The following TRRAP variants were observed in gnomAD, a reference collection of about 807,000 sequenced individuals.
TRRAP encodes the protein transformation/transcription domain-associated protein.
In TRRAP, 41 loss-of-function variants were observed where a neutral mutation model predicts 438.8. The ratio of observed to expected loss-of-function variants is 0.09; its 90% CI spans 0.07 to 0.12. The LOEUF is 0.12. Ranked by LOEUF, TRRAP falls within the 10% of genes least tolerant of loss-of-function variation. The probability of loss-of-function intolerance (pLI) is 1.00; values close to 1 mark genes in which losing one functional copy is unlikely to be tolerated. For synonymous variants in TRRAP, 1,994 were observed against 1,962.9 expected, an observed-to-expected ratio of 1.02 and a Z score of -0.42; for missense variants, 3,122 against 5,055.1, an observed-to-expected ratio of 0.62 and a Z score of 11.60.
At chr7:98,897,670 T>G (rs1796276747) in intron 7 of TRRAP, 71 bp from the exon 8 acceptor site, 3 of 1,454,026 alleles carry the variant, frequency 2.1e-6, no homozygotes, top group African/African-American at 3.0e-5. Flanking sequence ...TGTTTTGTTT[T>G]GTTTTGTTTT....
chr7:98,951,918 C>G (rs1459681518), intron 39 of TRRAP, among the ~76,000 whole-genome samples: 3 of 152,060 alleles, frequency 2.0e-5, no homozygotes, highest in Admixed American at 6.5e-5. Context: ...TTGTTACCTT[C>G]TCCAGGCTGT....
rs904505773 is a variant in TRRAP at position 98,957,880 on chromosome 7, C to T, written c.6232-101C>T. The T allele has an allele frequency of 2.7e-5, 26 of 976,846 alleles. No homozygotes were observed. The African/African-American group carries it at 4.2e-4, about 16-fold the overall frequency. 60.5% of individuals were successfully genotyped at this position (976,846 alleles called of 1,614,324 possible). ...CCAGCGCCCAGAGCTGCCTCTGTCC[C>T]CGGGAGGTACCGCATACCCATTAGC... On this transcript the variant is annotated intron_variant, in intron 43 of 72. Transcript: ENST00000456197.
rs1202244223 is a variant in TRRAP at position 98,976,979 on chromosome 7, A to G, written c.8288A>G (p.Gln2763Arg). Residue 2763 changes from glutamine to arginine, a missense_variant, in exon 56 of 73, where the codon CAA becomes CGA. Gln to Arg is a conservative substitution (Grantham distance 43). This residue lies in a region of TRRAP where 992 missense variants were observed against 1,281.2 expected (regional missense o/e 0.77). Coordinates refer to ENST00000456197, the MANE Select transcript of TRRAP (RefSeq NM_001375524.1). This position sits in a 1 kb window ranked among gnomAD's most constrained non-coding sequence, Gnocchi z 4.6. ...DSLAELYSLLQEEDMWAGLWQ... is the reference protein window; with the variant it reads ...DSLAELYSLLREEDMWAGLWQ... ...CTTGCGGAGCTTTACTCCCTGTTAC[A>G]AGAGGAAGATATGTGGGCTGGTCTG... 1.2e-6 allele frequency: 2 copies of G among 1,614,070 alleles called. No individual in the cohort carries two copies. Among genetic ancestry groups the G allele is most frequent in the Non-Finnish European group, 1.7e-6 (2 of 1,180,044 alleles).
At chr7:98,897,625 AC>A in intron 7 of TRRAP, 115 bp from the exon 8 acceptor site, 1 of 1,327,542 alleles carries the variant, frequency 7.5e-7, no homozygotes, top group Non-Finnish European at 1.0e-6. Context: ...TGTAGAACAT[AC>A]TGTTTTTTTC....
chr7:98,981,990 G>A (rs1165542104), intron 59 of TRRAP, 30 bp downstream of exon 59: 3 of 1,502,800 alleles, frequency 2.0e-6, no homozygotes, highest in Non-Finnish European at 2.7e-6. Flanking sequence ...GCGAGCACAG[G>A]CCTGTGGCCT....
intron 65 of TRRAP, 102 bp from the exon 66 acceptor site, chr7:98,993,436 G>A (rs1240271381): frequency 7.0e-5 from 90 of 1,279,680 alleles, no homozygotes; most frequent in Middle Eastern, 2.4e-4. Flanking sequence ...TTCACACGCC[G>A]GCAGGAACCA....
chr7:98,926,630 A>G (rs1324510843), intron 22 of TRRAP, among the ~76,000 whole-genome samples: 2 of 152,204 alleles, frequency 1.3e-5, no homozygotes, highest in African/African-American at 4.8e-5. Flanking sequence ...CCTCCATGGA[A>G]GATTGAGGAT....
At chr7:98,983,942 G>T in intron 60 of TRRAP, 151 bp from the exon 61 acceptor site, 2 of 1,017,314 alleles carry the variant, frequency 2.0e-6, no homozygotes, top group Non-Finnish European at 2.7e-6. Context: ...GTTGCTTATG[G>T]CATAAAATAC....
At chr7:98,987,612 A>T (rs1793208010) in intron 62 of TRRAP, among the ~76,000 whole-genome samples, 2 of 152,218 alleles carry the variant, frequency 1.3e-5, no homozygotes, top group African/African-American at 4.8e-5. Context: ...TGTGTATAAG[A>T]TCGTGTCAAC....
intron 27 of TRRAP, 69 bp from the exon 28 acceptor site, chr7:98,935,510 T>A: frequency 7.2e-7 from 1 of 1,384,502 alleles, no homozygotes; most frequent in Non-Finnish European, 1.0e-6. Flanking sequence ...TGCTGTGTTC[T>A]GTTATTTGCA....
chr7:98,928,223 C>T (rs1433036179), intron 23 of TRRAP, among the ~76,000 whole-genome samples: 4 of 151,740 alleles, frequency 2.6e-5, no homozygotes, highest in South Asian at 2.1e-4. Context: ...GCAACAAGAG[C>T]GAAACTCCGT....
chr7:98,910,579 A>C lies in TRRAP; in HGVS notation c.1784A>C (p.Tyr595Ser). The C allele has an allele frequency of 6.2e-7, 1 of 1,613,822 alleles. No individual in the cohort carries two copies. The highest frequency in any genetic ancestry group is 8.5e-7 in the Non-Finnish European group (1 of 1,179,924). Residue 595 changes from tyrosine to serine, a missense_variant, in exon 16 of 73, where the codon TAT becomes TCT. Physicochemically the swap from Tyr to Ser is moderately radical, Grantham distance 144 (BLOSUM62 -2). Transcript: ENST00000456197. ...ETQIYIKLVKYAMQALDIYQV... is the reference protein window; with the variant it reads ...ETQIYIKLVKSAMQALDIYQV... ...CAGATTTACATCAAACTTGTGAAAT[A>C]TGCAATGCAAGCTTTAGATATTTAT...
At chr7:98,892,307 G>T (rs919458583) in intron 4 of TRRAP, 117 bp from the exon 5 acceptor site, 24 of 817,130 alleles carry the variant, frequency 2.9e-5, no homozygotes, top group Non-Finnish European at 4.5e-5. Context: ...GTAGGATGGT[G>T]GTTCATTCCT....
rs782099502 is a variant in TRRAP at position 98,925,231 on chromosome 7, G to A, written c.2943G>A (p.Lys981=). ...CCATGATGAGCCTGGAGGACAACAA[G>A]CACGCACTCTACCAGCTCCTGGCAC... The part of the protein sequence containing the change: ...LVAMMSLEDN[K]HALYQLLAHP... The change falls in exon 22 of 73, where the codon AAG becomes AAA. Residue 981 remains lysine, a synonymous_variant. Coordinates refer to ENST00000456197, the MANE Select transcript of TRRAP (RefSeq NM_001375524.1). The A allele has an allele frequency of 4.3e-6, 7 of 1,614,162 alleles. No homozygotes were observed. Among genetic ancestry groups the A allele is most frequent in the Non-Finnish European group, 5.9e-6 (7 of 1,180,026 alleles).
Position 98,948,424 on chromosome 7 carries a change from C to T in TRRAP, c.4668+84C>T, listed in dbSNP as rs1288109526. Reference sequence around the variant, plus strand: ...CTCACTTGATCGTATTTTCAATGGACGGAACAGCATAAAGACGTTCGATGT... The same window carrying T: ...CTCACTTGATCGTATTTTCAATGGATGGAACAGCATAAAGACGTTCGATGT... On this transcript the variant is annotated intron_variant, in intron 34 of 72. Transcript: ENST00000456197. This position sits in a 1 kb window ranked among gnomAD's most constrained non-coding sequence, Gnocchi z 4.9. 1.6e-5 allele frequency: 25 copies of T among 1,609,968 alleles called. No homozygotes were observed. The highest frequency in any genetic ancestry group is 2.0e-5 in the Non-Finnish European group (24 of 1,177,882).
At position 98,990,485 on chromosome 7, in the gene TRRAP, A is replaced by G; in HGVS notation, c.9622A>G (p.Lys3208Glu). The change falls in exon 64 of 73, where the codon AAA becomes GAA. Residue 3208 changes from lysine to glutamate, a missense_variant. Physicochemically the swap from Lys to Glu is moderately conservative, Grantham distance 56. Transcript: ENST00000456197. The stretch of plus-strand genomic sequence containing the variant: ...GTGGCTTTTGAGTTTTGATGATGAC[A>G]AAAACACTTTGGCAGATGCCGTCGA... The part of the protein sequence containing the change: ...VLWLLSFDDD[K>E]NTLADAVDKY... 6.2e-7 allele frequency: 1 copy of G among 1,613,650 alleles called. No individual in the cohort carries two copies. Among genetic ancestry groups the G allele is most frequent in the Non-Finnish European group, 8.5e-7 (1 of 1,179,542 alleles).
At chr7:98,972,401 TGAAAGAAACG>T (rs1245292677) in intron 53 of TRRAP, among the ~76,000 whole-genome samples, 1 of 152,174 alleles carries the variant, frequency 6.6e-6, no homozygotes, top group Non-Finnish European at 1.5e-5. Context: ...CACCATCTCT[TGAAAGAAACG>T]GTAAAACCGT....
chr7:98,885,524 A>G (rs1016422670), intron 3 of TRRAP, among the ~76,000 whole-genome samples: 9 of 152,238 alleles, frequency 5.9e-5, no homozygotes, highest in Middle Eastern at 3.4e-3. Context: ...ATCTGTAGCA[A>G]TGGATAGTAT....
chr7:98,910,959 T>G, intron 16 of TRRAP, 118 bp from the exon 17 acceptor site: 2 of 811,582 alleles, frequency 2.5e-6, no homozygotes, highest in Non-Finnish European at 3.6e-6. Context: ...GAGGGGGACA[T>G]TTGTTATCTA....
Sources: allele counts gnomAD v4.1 joint callset (sites outside exome capture counted in the v4.1 genomes callset), GRCh38; gene constraint gnomAD v4.1.1; regional missense constraint gnomAD v4.1.1; non-coding constraint Gnocchi (gnomAD v3.1); transcripts MANE v1.5; gene names NCBI Gene and HGNC (gene_info 2026-07-23, HGNC 2026-07-21).